The following EDIL3 variants were observed in gnomAD, a reference collection of about 807,000 sequenced individuals.
The protein encoded by EDIL3 is EGF-like repeat and discoidin I-like domain-containing protein 3.
Under a neutral mutation model 67.4 loss-of-function variants are expected in EDIL3, and 37 were observed. The ratio of observed to expected loss-of-function variants is 0.55; its 90% CI spans 0.42 to 0.72. The LOEUF is 0.72. Ranked by LOEUF, EDIL3 falls within the 30% of genes least tolerant of loss-of-function variation. The pLI is 0.00. For missense variants in EDIL3, 527 were observed against 586.3 expected, an observed-to-expected ratio of 0.90 and a Z score of 1.04; for synonymous variants, 195 against 196.3, an observed-to-expected ratio of 0.99 and a Z score of 0.05.
chr5:84,371,345 G>GTGTGTATATATA (rs1747845557), intron 1 of EDIL3, among the ~76,000 whole-genome samples: 1 of 97,226 alleles, frequency 1.0e-5, no homozygotes, highest in Admixed American at 1.1e-4. Context: ...ATATATATGT[G>GTGTGTATATATA]TGTGTGTATA....
chr5:84,167,108 T>C (rs908706976), intron 4 of EDIL3, among the ~76,000 whole-genome samples: 4 of 152,098 alleles, frequency 2.6e-5, no homozygotes, highest in African/African-American at 9.7e-5. Context: ...AAGGTATCGG[T>C]CTGGATTTTT....
chr5:84,274,475 A>G (rs1745535406), intron 1 of EDIL3, among the ~76,000 whole-genome samples: 1 of 152,112 alleles, frequency 6.6e-6, no homozygotes, highest in African/African-American at 2.4e-5. Flanking sequence ...AACATTCTAG[A>G]CCAATTTTCA....
chr5:84,148,148 T>A (rs897106909), intron 4 of EDIL3, among the ~76,000 whole-genome samples: 1 of 152,160 alleles, frequency 6.6e-6, no homozygotes, highest in African/African-American at 2.4e-5. Flanking sequence ...AATATAACTG[T>A]CCTTATTATT....
chr5:84,282,452 C>T (rs1257885557), intron 1 of EDIL3, among the ~76,000 whole-genome samples: 2 of 152,152 alleles, frequency 1.3e-5, no homozygotes, highest in Non-Finnish European at 2.9e-5. Flanking sequence ...TCAATTCATA[C>T]ACTTTAGTTG....
chr5:84,010,345 T>C (rs1300814325), intron 9 of EDIL3, among the ~76,000 whole-genome samples: 1 of 152,198 alleles, frequency 6.6e-6, no homozygotes, highest in Non-Finnish European at 1.5e-5. Context: ...TTTTATCTCA[T>C]TCTTTTTAAA....
chr5:84,225,660 T>A (rs1177282177), intron 3 of EDIL3, among the ~76,000 whole-genome samples: 3 of 151,612 alleles, frequency 2.0e-5, no homozygotes, highest in African/African-American at 7.2e-5. Context: ...CTATATGTTA[T>A]TGAAGATAAA....
intron 3 of EDIL3, among the ~76,000 whole-genome samples, chr5:84,195,861 C>A (rs1309528512): frequency 6.6e-6 from 1 of 151,962 alleles, no homozygotes; most frequent in Non-Finnish European, 1.5e-5. Flanking sequence ...GTTCCAAATT[C>A]TCTTTGATCT....
intron 5 of EDIL3, among the ~76,000 whole-genome samples, chr5:84,128,703 A>G (rs1747910463): frequency 6.6e-6 from 1 of 152,164 alleles, no homozygotes; most frequent in Non-Finnish European, 1.5e-5. Context: ...CATCCACTAC[A>G]GTTCTAAATT....
chr5:84,367,807 A>T (rs561885462), intron 1 of EDIL3, among the ~76,000 whole-genome samples: 1 of 152,162 alleles, frequency 6.6e-6, no homozygotes, highest in East Asian at 1.9e-4. Context: ...CATCCTTTCA[A>T]CCAACTAGAT....
At chr5:84,137,142 C>A in intron 5 of EDIL3, 99 bp downstream of exon 5, 2 of 815,002 alleles carry the variant, frequency 2.5e-6, no homozygotes, top group South Asian at 2.6e-5. Context: ...AGATGATGTA[C>A]ATAAAAATAT....
intron 2 of EDIL3, among the ~76,000 whole-genome samples, chr5:84,232,054 G>A (rs959951674): frequency 1.3e-5 from 2 of 152,172 alleles, no homozygotes; most frequent in African/African-American, 4.8e-5. Flanking sequence ...TCATGTCAGT[G>A]TGACTTTAAA....
intron 1 of EDIL3, among the ~76,000 whole-genome samples, chr5:84,326,765 T>A (rs1746765782): frequency 2.0e-5 from 3 of 152,002 alleles, no homozygotes; most frequent in African/African-American, 7.2e-5. Flanking sequence ...CTATACACTA[T>A]TTCAGCTACT....
intron 5 of EDIL3, 23 bp from the exon 6 acceptor site, chr5:84,106,853 A>C (rs1747474238): frequency 1.3e-6 from 2 of 1,580,968 alleles, no homozygotes; most frequent in East Asian, 4.5e-5. Flanking sequence ...ACAGGAAAAA[A>C]TATGAATGTA....
intron 1 of EDIL3, 85 bp from the exon 2 acceptor site, chr5:84,254,297 C>A: frequency 7.0e-7 from 1 of 1,420,790 alleles, no homozygotes; most frequent in Non-Finnish European, 9.4e-7. Flanking sequence ...TATGGATGTT[C>A]CCTTGGCAAA....
intron 9 of EDIL3, among the ~76,000 whole-genome samples, chr5:83,969,551 T>C (rs1280964892): frequency 6.6e-6 from 1 of 151,798 alleles, no homozygotes. Context: ...TCTTTTACTA[T>C]CAGAAGAAAA....
chr5:84,068,712 T>C (rs1349693051), intron 6 of EDIL3, among the ~76,000 whole-genome samples: 1 of 152,142 alleles, frequency 6.6e-6, no homozygotes, highest in African/African-American at 2.4e-5. Flanking sequence ...AAAAAATTTA[T>C]AAAAATACAG....
rs533149726 is a variant in EDIL3, at chr5:84,113,875, T to C, written c.470-7045A>G. Among the ~76,000 whole-genome samples the C allele has an allele frequency of 9.2e-5, 14 of 152,340 alleles. No homozygotes were observed. In the South Asian group the frequency reaches 2.5e-3, roughly 27 times the overall value. ...CCCTTTCTCCGAGCATCTCATCTTA[T>C]ACGAGTGAGTCCTCTGCTGTGCTTA... On this transcript the variant is annotated intron_variant, in intron 5 of 10. Coordinates refer to ENST00000296591, the MANE Select transcript of EDIL3 (RefSeq NM_005711.5).
At chr5:83,944,690 A>C (rs1744282598) in intron 10 of EDIL3, among the ~76,000 whole-genome samples, 1 of 151,914 alleles carries the variant, frequency 6.6e-6, no homozygotes, top group East Asian at 1.9e-4. Context: ...ATTTAGATTT[A>C]GTTTAGATTT....
At chr5:83,984,627 G>C (rs1395227043) in intron 9 of EDIL3, among the ~76,000 whole-genome samples, 1 of 152,062 alleles carries the variant, frequency 6.6e-6, no homozygotes, top group Non-Finnish European at 1.5e-5. Context: ...GACTCTGGGA[G>C]GTGAACCTGA....
Sources: allele counts gnomAD v4.1 joint callset (sites outside exome capture counted in the v4.1 genomes callset), GRCh38; gene constraint gnomAD v4.1.1; transcripts MANE v1.5; gene names NCBI Gene and HGNC (gene_info 2026-07-23, HGNC 2026-07-21).